GOLGA3: variants seen among roughly 807,000 people sequenced by gnomAD.
GOLGA3 encodes golgin subfamily A member 3.
GOLGA3 carries 75 observed loss-of-function variants against 169.4 expected under a neutral mutation model. That is an observed-to-expected ratio of 0.44 (90% CI 0.37 to 0.54). The LOEUF (loss-of-function observed/expected upper bound fraction) is 0.54, where lower values mean the gene tolerates loss of function less well. GOLGA3 is among the 20% of genes least tolerant of loss of function. The pLI is 0.00. For synonymous variants in GOLGA3, 824 were observed against 822.4 expected, an observed-to-expected ratio of 1.00 and a Z score of -0.03; for missense variants, 1,899 against 1,930.0, an observed-to-expected ratio of 0.98 and a Z score of 0.30.
chr12:132,799,304 A>C (rs1440173788), intron 8 of GOLGA3, among the ~76,000 whole-genome samples: 2 of 152,212 alleles, frequency 1.3e-5, no homozygotes, highest in Non-Finnish European at 2.9e-5. Flanking sequence ...TACCAAAAAA[A>C]TGTATTAAAA....
intron 4 of GOLGA3, among the ~76,000 whole-genome samples, chr12:132,809,042 A>G (rs1949566189): frequency 6.6e-6 from 1 of 152,212 alleles, no homozygotes; most frequent in Non-Finnish European, 1.5e-5. Flanking sequence ...ACAAGGCAGA[A>G]GGGGCAGGGT....
rs2045897474 is a variant in GOLGA3, at chr12:132,786,331, T to C, written c.3123+8A>G. 1 of 1,578,242 alleles carries C rather than the reference T, an allele frequency of 6.3e-7. No individual in the cohort carries two copies. The highest frequency in any genetic ancestry group is 1.7e-5 in the Admixed American group (1 of 57,606). On this transcript the variant is annotated splice_region_variant and intron_variant, in intron 15 of 23. Coordinates refer to ENST00000450791, the MANE Select transcript of GOLGA3 (RefSeq NM_001389683.1). Reference sequence around the variant, plus strand: ...GACCCTGGCCGGGGATGGCACGGTGTTACCTACATGTAGAGCCAGGCTGCT... The same window carrying C: ...GACCCTGGCCGGGGATGGCACGGTGCTACCTACATGTAGAGCCAGGCTGCT...
intron 4 of GOLGA3, among the ~76,000 whole-genome samples, chr12:132,812,005 AAAAAAAAAAAAAAAAAAACATT>A (rs1949734326): frequency 6.8e-6 from 1 of 147,572 alleles, no homozygotes; most frequent in Non-Finnish European, 1.5e-5. Context: ...CGTCTCTCAA[AAAAAAAAAAAAAAAAAAACATT>A]AAAAAAAAAA....
chr12:132,814,445 A>G (rs1302113175), intron 3 of GOLGA3, among the ~76,000 whole-genome samples: 2 of 152,086 alleles, frequency 1.3e-5, no homozygotes, highest in Non-Finnish European at 2.9e-5. Flanking sequence ...GGTTCTCGTG[A>G]CCCCGCTGGG....
chr12:132,777,981 C>T lies in GOLGA3; in HGVS notation c.3583-176G>A, dbSNP rs909713842. Among the ~76,000 whole-genome samples, 3 of 152,228 alleles carry T rather than the reference C, an allele frequency of 2.0e-5. No individual in the cohort carries two copies. The highest frequency in any genetic ancestry group is 2.9e-5 in the Non-Finnish European group (2 of 68,032). ...AGATGAAACCACCTGACCCGGAGCT[C>T]GGCACGCAGCAAGTGCACACTTATG... is the stretch of plus-strand genomic sequence containing the variant. On this transcript the variant is annotated intron_variant, in intron 18 of 23. Transcript: ENST00000450791. The surrounding 1 kb of genome is among the most constrained non-coding windows in gnomAD (Gnocchi z 4.7).
rs3741485 is a variant in GOLGA3, at chr12:132,807,851, C to G, written c.1178+40G>C. 79 of 727,254 alleles carry G rather than the reference C, an allele frequency of 1.1e-4. 1 individual carries two copies. In the East Asian group the frequency reaches 2.6e-3, roughly 24 times the overall value. The allele number at this position is 727,254 out of a possible 1,614,324, so 45.1% of individuals were successfully genotyped here. On this transcript the variant is annotated intron_variant, in intron 5 of 23. Coordinates refer to ENST00000450791, the MANE Select transcript of GOLGA3 (RefSeq NM_001389683.1). ...CACACCCCCCTCTGTTGGCCCCACC[C>G]ACCTCCACCCACCCCGCCCACCTCT...
At chr12:132,824,543 T>A (rs1182756830) in intron 1 of GOLGA3, among the ~76,000 whole-genome samples, 2 of 152,220 alleles carry the variant, frequency 1.3e-5, no homozygotes, top group Non-Finnish European at 2.9e-5. Context: ...AAACAAAGGA[T>A]CCTAGATGTC....
chr12:132,803,478 A>C (rs1190938197), intron 7 of GOLGA3, among the ~76,000 whole-genome samples: 1 of 152,184 alleles, frequency 6.6e-6, no homozygotes, highest in Non-Finnish European at 1.5e-5. Flanking sequence ...GGGCGGCCTC[A>C]TCAAAGTTCA....
chr12:132,805,852 G>C (rs1949370823), intron 6 of GOLGA3, among the ~76,000 whole-genome samples: 2 of 152,218 alleles, frequency 1.3e-5, no homozygotes, highest in Admixed American at 6.5e-5. Context: ...CACACACACA[G>C]AATGCCAGAC....
chr12:132,822,156 G>T lies in GOLGA3; in HGVS notation c.-28C>A. On this transcript the variant is annotated 5_prime_UTR_variant, in exon 2 of 24. Coordinates refer to ENST00000450791, the MANE Select transcript of GOLGA3 (RefSeq NM_001389683.1). Reference sequence around the variant, plus strand: ...TCAGGACGACACCAGCTGAGCTGACGCTGAGGGGCTACAAGTGAACCTTGG... The same window carrying T: ...TCAGGACGACACCAGCTGAGCTGACTCTGAGGGGCTACAAGTGAACCTTGG... 1 of 1,584,808 alleles carries T rather than the reference G, an allele frequency of 6.3e-7. No homozygotes were observed. The highest frequency in any genetic ancestry group is 8.5e-7 in the Non-Finnish European group (1 of 1,169,978).
intron 1 of GOLGA3, among the ~76,000 whole-genome samples, chr12:132,824,449 T>C (rs1305909299): frequency 6.6e-6 from 1 of 152,228 alleles, no homozygotes; most frequent in Non-Finnish European, 1.5e-5. Flanking sequence ...CATTAAGGGT[T>C]TGTAACCAGA....
chr12:132,782,457 G>GT lies in GOLGA3; in HGVS notation c.3303dup (p.Arg1102ThrfsTer3). 1 of 1,614,042 alleles carries GT rather than the reference G, an allele frequency of 6.2e-7. No individual in the cohort carries two copies. Among genetic ancestry groups the GT allele is most frequent in the Non-Finnish European group, 8.5e-7 (1 of 1,179,886 alleles). On this transcript the variant is annotated frameshift_variant, in exon 17 of 24. Coordinates refer to ENST00000450791, the MANE Select transcript of GOLGA3 (RefSeq NM_001389683.1). LOFTEE classifies it high-confidence loss of function. ...AACTTCTTGTTTGACTCCTCAAGGC[G>GT]TTTTATCTTCTTCCTAAAGCCTCTG...
intron 2 of GOLGA3, among the ~76,000 whole-genome samples, chr12:132,821,728 C>T (rs1424514567): frequency 6.7e-6 from 1 of 150,360 alleles, no homozygotes; most frequent in African/African-American, 2.4e-5. Context: ...GTGGCGGGCG[C>T]CTGTAATCCC....
chr12:132,825,677 C>A, intron 1 of GOLGA3: 2 of 974,332 alleles, frequency 2.1e-6, no homozygotes, highest in East Asian at 2.4e-5. Context: ...ACTGGAAGAG[C>A]ACCTTTTTTC....
Position 132,807,279 on chromosome 12 carries a change from C to G in GOLGA3, c.1188G>C (p.Leu396Phe). 6.4e-7 allele frequency: 1 copy of G among 1,558,908 alleles called. No homozygotes were observed. ...RRDSICSSVSLESSAAETQEE... is the reference protein window; with the variant it reads ...RRDSICSSVSFESSAAETQEE... ...CCTGTGTTTCTGCTGCAGAGCTCTC[C>G]AAGGACACGCTGGGGACAAAGGCAC... Residue 396 changes from leucine (L) to phenylalanine (F), a missense_variant, in exon 6 of 24, where the codon TTG becomes TTC. Physicochemically the swap from Leu to Phe is conservative, Grantham distance 22. Coordinates refer to ENST00000450791, the MANE Select transcript of GOLGA3 (RefSeq NM_001389683.1).
intron 5 of GOLGA3, 64 bp downstream of exon 5, chr12:132,807,827 A>ACC (rs1949489335): frequency 4.3e-5 from 1 of 23,254 alleles, no homozygotes; most frequent in Non-Finnish European, 7.9e-5. Flanking sequence ...TGCCCGCCCC[A>ACC]CACCCCCCTC....
At chr12:132,799,543 G>C (rs1949029348) in intron 8 of GOLGA3, among the ~76,000 whole-genome samples, 2 of 152,182 alleles carry the variant, frequency 1.3e-5, no homozygotes, top group South Asian at 4.1e-4. Context: ...GGGGGGCTGA[G>C]GCAGGAGGAC....
chr12:132,772,564 A>G lies in GOLGA3; in HGVS notation c.*541T>C, dbSNP rs867437457. The G allele has an allele frequency of 6.6e-6, 1 of 150,750 alleles. No individual in the cohort carries two copies. Among genetic ancestry groups the G allele is most frequent in the Non-Finnish European group, 1.5e-5 (1 of 67,822 alleles). The allele number at this position is 150,750 out of a possible 1,614,324, so 9.3% of individuals were successfully genotyped here. A position where few individuals can be genotyped will look rare whatever the true frequency, so the allele number is the denominator to read the frequency against. On this transcript the variant is annotated 3_prime_UTR_variant, in exon 24 of 24. Transcript: ENST00000450791. ...GTCTCAAAAAAAAAAAAAAAAAAAA[A>G]ACAAAGATTGGATTATGATATTCAG...
Position 132,770,639 on chromosome 12 carries a change from ATTTAT to A in GOLGA3, c.*2461_*2465del, listed in dbSNP as rs2044859205. The A allele has an allele frequency of 6.6e-6, 1 of 152,160 alleles. No homozygotes were observed. The highest frequency in any genetic ancestry group is 1.9e-4 in the East Asian group (1 of 5,198). The allele number at this position is 152,160 out of a possible 1,614,324, so 9.4% of individuals were successfully genotyped here. ...TCTCGATTTTAGATTTTTTAAAATC[ATTTAT>A]TTATTTTTGAGACGGAGTCTCGCTC... On this transcript the variant is annotated 3_prime_UTR_variant, in exon 24 of 24. Coordinates refer to ENST00000450791, the MANE Select transcript of GOLGA3 (RefSeq NM_001389683.1).
Sources: gnomAD v4.1 joint callset for allele counts (sites outside exome capture counted in the v4.1 genomes callset) on GRCh38, gnomAD v4.1.1 for gene constraint, Gnocchi (gnomAD v3.1) non-coding constraint, MANE v1.5 for transcripts, NCBI Gene and HGNC (gene_info 2026-07-23, HGNC 2026-07-21) for gene names.